The following PTPRD variants were observed in gnomAD, a reference collection of about 807,000 sequenced individuals.
The protein encoded by PTPRD is protein tyrosine phosphatase receptor type D.
PTPRD carries 34 observed loss-of-function variants against 214.5 expected under a neutral mutation model. The observed-to-expected ratio is 0.16, with a 90% CI of 0.12 to 0.21. PTPRD has a LOEUF of 0.21. Among genes scored for constraint, PTPRD ranks in the 10% least tolerant of loss-of-function variants. The pLI is 1.00. For missense variants in PTPRD, 2,545 were observed against 2,398.7 expected (o/e 1.06, Z -1.27); for synonymous variants, 1,128 against 845.7 (o/e 1.33, Z -5.79).
intron 39 of PTPRD, among the ~76,000 whole-genome samples, chr9:8,359,726 T>G (rs375123604): frequency 5.3e-5 from 8 of 152,184 alleles, no homozygotes; most frequent in African/African-American, 1.9e-4. Context: ...ATTTTACAGG[T>G]GGAGAGACTC....
chr9:10,435,996 G>A (rs575622441), intron 2 of PTPRD, among the ~76,000 whole-genome samples: 2 of 151,794 alleles, frequency 1.3e-5, no homozygotes, highest in African/African-American at 2.4e-5. Flanking sequence ...AGACAACGCA[G>A]CATTTCTGGA....
intron 10 of PTPRD, among the ~76,000 whole-genome samples, chr9:9,163,856 T>TTCA (rs1316974482): frequency 6.6e-6 from 1 of 152,176 alleles, no homozygotes; most frequent in Non-Finnish European, 1.5e-5. Context: ...CATCTAAGGC[T>TTCA]TCACATATTT....
chr9:9,483,631 G>T (rs1356992690), intron 8 of PTPRD, among the ~76,000 whole-genome samples: 1 of 151,998 alleles, frequency 6.6e-6, no homozygotes, highest in Non-Finnish European at 1.5e-5. Context: ...TTGCTAGAGG[G>T]CTTATAGAAT....
chr9:8,996,763 C>T (rs139586717), intron 11 of PTPRD, among the ~76,000 whole-genome samples: 266 of 152,124 alleles, frequency 1.7e-3, no homozygotes, highest in Non-Finnish European at 3.3e-3. Context: ...GGCTGAGCCT[C>T]ATGGCCTAAT....
At chr9:9,682,001 T>C (rs2097083529) in intron 7 of PTPRD, among the ~76,000 whole-genome samples, 1 of 151,828 alleles carries the variant, frequency 6.6e-6, no homozygotes, top group African/African-American at 2.4e-5. Context: ...TTTCTCATCA[T>C]TACCCACTCT....
intron 43 of PTPRD, among the ~76,000 whole-genome samples, chr9:8,337,450 C>A (rs1003212892): frequency 6.6e-6 from 1 of 151,156 alleles, no homozygotes; most frequent in Non-Finnish European, 1.5e-5. Flanking sequence ...GGGCCTGTTG[C>A]GGGTTTGGAG....
intron 11 of PTPRD, among the ~76,000 whole-genome samples, chr9:9,002,082 T>A (rs909610768): frequency 6.6e-6 from 1 of 151,876 alleles, no homozygotes; most frequent in Non-Finnish European, 1.5e-5. Flanking sequence ...ACTCTAATCA[T>A]CGTAACAAAA....
At chr9:9,653,590 T>C (rs1362393136) in intron 7 of PTPRD, among the ~76,000 whole-genome samples, 1 of 152,140 alleles carries the variant, frequency 6.6e-6, no homozygotes, top group African/African-American at 2.4e-5. Flanking sequence ...GCTGCTTACC[T>C]GTTTTTGTGG....
rs1350074868 is a variant in PTPRD at position 8,319,889 on chromosome 9, T to C, written c.5612A>G (p.Asp1871Gly). The change falls in exon 45 of 46, where the codon GAT becomes GGT. Residue 1871 changes from aspartate to glycine, a missense_variant. Physicochemically the swap from Asp to Gly is moderately conservative, Grantham distance 94. Coordinates refer to ENST00000381196, the MANE Select transcript of PTPRD (RefSeq NM_002839.4). The stretch of plus-strand genomic sequence containing the variant: ...TAACATTTTGACAGTCTGGAAGATA[T>C]CTACAACTCCTTCATATCTCATTCT... ...LERMRYEGVV[D>G]IFQTVKMLRT... 12 of 1,613,144 alleles carry C rather than the reference T, an allele frequency of 7.4e-6. No homozygotes were observed. The highest frequency in any genetic ancestry group is 9.3e-6 in the Non-Finnish European group (11 of 1,179,450).
intron 8 of PTPRD, among the ~76,000 whole-genome samples, chr9:9,408,669 G>C (rs2074365102): frequency 6.6e-6 from 1 of 151,742 alleles, no homozygotes; most frequent in African/African-American, 2.4e-5. Context: ...TAGGGATCTG[G>C]GTTATCAGAC....
chr9:9,876,009 G>T (rs74650432), intron 5 of PTPRD, among the ~76,000 whole-genome samples: 4,228 of 152,054 alleles, frequency 0.028, 185 homozygotes, highest in African/African-American at 0.096. Context: ...GAGTTTGCAG[G>T]TGCTTAATTC....
At chr9:10,116,230 T>C (rs1373677251) in intron 3 of PTPRD, among the ~76,000 whole-genome samples, 1 of 152,150 alleles carries the variant, frequency 6.6e-6, no homozygotes, top group African/African-American at 2.4e-5. Context: ...TTCTAACTGG[T>C]AAATGTCAGT....
chr9:10,528,212 G>T (rs1226810729), intron 2 of PTPRD, among the ~76,000 whole-genome samples: 1 of 152,108 alleles, frequency 6.6e-6, no homozygotes, highest in Non-Finnish European at 1.5e-5. Context: ...CAGAAAGAAG[G>T]AGTTAAAAAC....
At chr9:9,480,547 A>T (rs1003272523) in intron 8 of PTPRD, among the ~76,000 whole-genome samples, 4 of 152,164 alleles carry the variant, frequency 2.6e-5, no homozygotes, top group Non-Finnish European at 4.4e-5. Context: ...ATTTAAAAAA[A>T]ATGTTAGATT....
chr9:8,817,737 G>C (rs2096951384), intron 11 of PTPRD, among the ~76,000 whole-genome samples: 1 of 152,142 alleles, frequency 6.6e-6, no homozygotes, highest in Non-Finnish European at 1.5e-5. Flanking sequence ...ACTGATTATG[G>C]GAGTTGGTAG....
chr9:8,947,165 T>A (rs973216173), intron 11 of PTPRD, among the ~76,000 whole-genome samples: 1 of 151,800 alleles, frequency 6.6e-6, no homozygotes, highest in Admixed American at 6.6e-5. Flanking sequence ...ATTTTATTTT[T>A]AAAAATTACT....
intron 9 of PTPRD, among the ~76,000 whole-genome samples, chr9:9,213,535 T>TGTTC (rs1285082547): frequency 7.2e-5 from 11 of 152,138 alleles, no homozygotes; most frequent in Admixed American, 5.9e-4. Flanking sequence ...TTTGTTTGTT[T>TGTTC]GTTTTGATAA....
At chr9:9,130,597 T>C (rs2099841148) in intron 10 of PTPRD, among the ~76,000 whole-genome samples, 1 of 152,292 alleles carries the variant, frequency 6.6e-6, no homozygotes, top group Non-Finnish European at 1.5e-5. Flanking sequence ...TTCATCTATT[T>C]ATTGTTCTCT....
chr9:10,082,206 G>C (rs921483945), intron 3 of PTPRD, among the ~76,000 whole-genome samples: 1 of 152,048 alleles, frequency 6.6e-6, no homozygotes, highest in African/African-American at 2.4e-5. Flanking sequence ...AATTAAGTTA[G>C]AATAATAAAC....
Sources: gnomAD v4.1 joint callset for allele counts (sites outside exome capture counted in the v4.1 genomes callset) on GRCh38, gnomAD v4.1.1 for gene constraint, MANE v1.5 for transcripts, NCBI Gene and HGNC (gene_info 2026-07-23, HGNC 2026-07-21) for gene names.